FBXL7: variants seen among roughly 807,000 people sequenced by gnomAD.
FBXL7 encodes F-box and leucine rich repeat protein 7.
A neutral mutation model predicts 38.3 loss-of-function variants in FBXL7; 12 were observed. The ratio of observed to expected loss-of-function variants is 0.31; its 90% CI spans 0.20 to 0.51. The LOEUF (loss-of-function observed/expected upper bound fraction) is 0.51, where lower values mean the gene tolerates loss of function less well. Among genes scored for constraint, FBXL7 ranks in the 20% least tolerant of loss-of-function variants. The pLI is 0.98. For missense variants in FBXL7, 567 were observed against 676.4 expected (o/e 0.84, Z 1.79); for synonymous variants, 297 against 300.9 (o/e 0.99, Z 0.13).
At chr5:15,767,685 G>T (rs1736625694) in intron 2 of FBXL7, among the ~76,000 whole-genome samples, 1 of 152,096 alleles carries the variant, frequency 6.6e-6, no homozygotes, top group Admixed American at 6.5e-5. Context: ...TCACGCCTTT[G>T]CTAACTAATT....
intron 1 of FBXL7, among the ~76,000 whole-genome samples, chr5:15,585,694 A>T (rs1267704738): frequency 6.6e-6 from 1 of 152,228 alleles, no homozygotes; most frequent in African/African-American, 2.4e-5. Flanking sequence ...CTCTAACTCC[A>T]TCAAGTTGCT....
intron 2 of FBXL7, among the ~76,000 whole-genome samples, chr5:15,748,402 G>A (rs981834406): frequency 1.3e-5 from 2 of 152,202 alleles, no homozygotes; most frequent in African/African-American, 2.4e-5. Flanking sequence ...TAATCACCAC[G>A]TGTCAAGGGT....
At chr5:15,639,830 AG>A (rs1741300875) in intron 2 of FBXL7, among the ~76,000 whole-genome samples, 1 of 151,974 alleles carries the variant, frequency 6.6e-6, no homozygotes. Context: ...AGCAGGTAGA[AG>A]GATCTGGAAG....
rs573717582 is a variant in FBXL7 at position 15,705,843 on chromosome 5, CAAAT to C, written c.127+89788_127+89791del. 3.1e-3 allele frequency among the ~76,000 whole-genome samples: 465 copies of C among 150,374 alleles called. 1 individual carries two copies. Among genetic ancestry groups the C allele is most frequent in the Non-Finnish European group, 5.1e-3 (342 of 67,534 alleles). On this transcript the variant is annotated intron_variant, in intron 2 of 3. Coordinates refer to ENST00000504595, the MANE Select transcript of FBXL7 (RefSeq NM_012304.5). ...CAATTGATAATCTTGTTTTTTTAAA[CAAAT>C]AAATAAATAAATAAATTTTTTTAAC...
chr5:15,692,658 G>T (rs1464212276), intron 2 of FBXL7, among the ~76,000 whole-genome samples: 2 of 152,032 alleles, frequency 1.3e-5, no homozygotes, highest in African/African-American at 4.8e-5. Context: ...CCATCAGGCT[G>T]CAAATAAAGG....
intron 1 of FBXL7, among the ~76,000 whole-genome samples, chr5:15,566,158 A>G (rs1267819681): frequency 6.6e-6 from 1 of 152,132 alleles, no homozygotes; most frequent in East Asian, 1.9e-4. Flanking sequence ...AGATGGAGGA[A>G]AATGCTTTAG....
chr5:15,832,111 T>C (rs1738474669), intron 2 of FBXL7, among the ~76,000 whole-genome samples: 1 of 152,212 alleles, frequency 6.6e-6, no homozygotes, highest in African/African-American at 2.4e-5. Flanking sequence ...CGGACCTTTC[T>C]AATGAATTTA....
chr5:15,749,600 C>T (rs538137802), intron 2 of FBXL7, among the ~76,000 whole-genome samples: 10 of 152,094 alleles, frequency 6.6e-5, no homozygotes, highest in African/African-American at 2.4e-4. Context: ...GCACTCCAGC[C>T]TGGGGGACAG....
chr5:15,541,552 T>G (rs1279564959), intron 1 of FBXL7, among the ~76,000 whole-genome samples: 2 of 139,532 alleles, frequency 1.4e-5, no homozygotes, highest in Non-Finnish European at 3.1e-5. Context: ...TCTTTTTTTT[T>G]TTTTTTTTTT....
At position 15,731,299 on chromosome 5, in the gene FBXL7, A is replaced by G. The variant is rs368436236; in HGVS notation, c.127+115227A>G. 1.3e-4 allele frequency among the ~76,000 whole-genome samples: 20 copies of G among 152,308 alleles called. No individual in the cohort carries two copies. In the South Asian group the frequency reaches 3.9e-3, roughly 30 times the overall value. On this transcript the variant is annotated intron_variant, in intron 2 of 3. Coordinates refer to ENST00000504595, the MANE Select transcript of FBXL7 (RefSeq NM_012304.5). ...TCCACGTGGCTAGGGAAGCCTCACA[A>G]TCATGGTGAAGGCAAGGGGGCATAA... is the stretch of plus-strand genomic sequence containing the variant.
chr5:15,525,282 T>G (rs1211849456), intron 1 of FBXL7, among the ~76,000 whole-genome samples: 1 of 152,204 alleles, frequency 6.6e-6, no homozygotes, highest in Non-Finnish European at 1.5e-5. Context: ...TGGAACTATT[T>G]CTCTTGGACA....
chr5:15,796,741 C>A (rs1005851197), intron 2 of FBXL7, among the ~76,000 whole-genome samples: 1 of 152,172 alleles, frequency 6.6e-6, no homozygotes, highest in Non-Finnish European at 1.5e-5. Context: ...CCATCCAGGG[C>A]TCACCGGGAT....
intron 2 of FBXL7, among the ~76,000 whole-genome samples, chr5:15,893,449 A>C (rs971309932): frequency 6.6e-6 from 1 of 152,220 alleles, no homozygotes. Context: ...ACAGAAAATT[A>C]GTGCCACTGG....
chr5:15,658,775 C>T (rs747732472), intron 2 of FBXL7, among the ~76,000 whole-genome samples: 2 of 152,138 alleles, frequency 1.3e-5, no homozygotes, highest in Non-Finnish European at 2.9e-5. Context: ...CGATGCTTTT[C>T]CATACAATGT....
chr5:15,927,796 A>AAGAC (rs70938037), intron 2 of FBXL7, 94 bp from the exon 3 acceptor site: 131,272 of 786,228 alleles, frequency 0.17, 24,742 homozygotes, highest in African/African-American at 0.52. Context: ...AAGAAGAAGA[A>AAGAC]AGAAAAGAAA....
chr5:15,515,638 T>C (rs971816997), intron 1 of FBXL7, among the ~76,000 whole-genome samples: 3 of 152,146 alleles, frequency 2.0e-5, no homozygotes, highest in Admixed American at 2.0e-4. Flanking sequence ...AAGCAGCAGA[T>C]GGTTATAGTT....
intron 2 of FBXL7, among the ~76,000 whole-genome samples, chr5:15,653,874 A>G (rs1315106242): frequency 6.6e-6 from 1 of 152,174 alleles, no homozygotes; most frequent in Non-Finnish European, 1.5e-5. Context: ...AAAGACATGC[A>G]CCTTCAGTTT....
intron 2 of FBXL7, among the ~76,000 whole-genome samples, chr5:15,686,978 G>A (rs1451593299): frequency 6.6e-6 from 1 of 152,116 alleles, no homozygotes; most frequent in Admixed American, 6.6e-5. Context: ...CCGTCTTGTG[G>A]GTTTAACATC....
intron 2 of FBXL7, among the ~76,000 whole-genome samples, chr5:15,816,897 A>G (rs1738030045): frequency 6.6e-6 from 1 of 152,214 alleles, no homozygotes; most frequent in African/African-American, 2.4e-5. Context: ...TTTGTCAACA[A>G]AACAAATCCA....
Sources: allele counts gnomAD v4.1 joint callset (sites outside exome capture counted in the v4.1 genomes callset), GRCh38; gene constraint gnomAD v4.1.1; transcripts MANE v1.5; gene names NCBI Gene and HGNC (gene_info 2026-07-23, HGNC 2026-07-21).